Variants in UNC13A observed in about 807,000 individuals in gnomAD.
The protein encoded by UNC13A is unc-13 homolog A, also known as protein unc-13 homolog A.
A neutral mutation model predicts 219.7 loss-of-function variants in UNC13A; 61 were observed. The observed-to-expected ratio is 0.28, with a 90% CI of 0.23 to 0.34. UNC13A has a LOEUF of 0.34. UNC13A is among the 10% of genes least tolerant of loss of function. The pLI, the probability that UNC13A is intolerant of heterozygous loss-of-function variation, is 1.00. For synonymous variants in UNC13A, 920 were observed against 884.6 expected (o/e 1.04, Z -0.71); for missense variants, 1,476 against 2,270.3 (o/e 0.65, Z 7.11).
chr19:17,606,132 GT>G lies in UNC13A; in HGVS notation c.5033del (p.Asp1678AlafsTer8). Reference protein sequence around the residue: ...VLRILSQRSNDEVAKEFVKLK... With the variant: ...VLRILSQRSNXEVAKEFVKLK... ...GCTTCACGAACTCCTTGGCCACCTC[GT>G]CGTTGCTGCGCTGCGAGAGGATTCG... On this transcript the variant is annotated frameshift_variant, in exon 44 of 44. Coordinates refer to ENST00000519716, the MANE Select transcript of UNC13A (RefSeq NM_001080421.3). LOFTEE classifies it high-confidence loss of function. The G allele has an allele frequency of 6.3e-7, 1 of 1,593,378 alleles. No homozygotes were observed. Among genetic ancestry groups the G allele is most frequent in the Non-Finnish European group, 8.5e-7 (1 of 1,171,766 alleles).
intron 1 of UNC13A, among the ~76,000 whole-genome samples, chr19:17,685,117 T>C (rs73924314): frequency 0.076 from 11,603 of 152,218 alleles, 570 homozygotes; most frequent in African/African-American, 0.13. Context: ...TGTGCTTATA[T>C]GAATATATAT....
intron 42 of UNC13A, 137 bp from the exon 43 acceptor site, chr19:17,610,236 C>A (rs140453033): frequency 0.057 from 65,987 of 1,159,054 alleles, 2,231 homozygotes; most frequent in African/African-American, 0.07. Context: ...GAGGCCAAGG[C>A]GGGTGGATCA....
Position 17,630,305 on chromosome 19 carries a change from G to T in UNC13A, c.3526-17C>A, listed in dbSNP as rs772496846. 2 of 1,559,202 alleles carry T rather than the reference G, an allele frequency of 1.3e-6. No individual in the cohort carries two copies. Among genetic ancestry groups the T allele is most frequent in the Non-Finnish European group, 1.7e-6 (2 of 1,151,396 alleles). The stretch of plus-strand genomic sequence containing the variant: ...CTGCTGGAACTGCAGGGGGAAGGAG[G>T]CCAAGAGGAAGGAGGAGATCAGCAC... On this transcript the variant is annotated splice_polypyrimidine_tract_variant and intron_variant, in intron 29 of 43. Transcript: ENST00000519716.
chr19:17,617,674 A>G (rs762552746), intron 41 of UNC13A, 28 bp downstream of exon 41: 2 of 1,606,436 alleles, frequency 1.2e-6, no homozygotes, highest in South Asian at 2.2e-5. Context: ...CGGAGCGGGA[A>G]AGGGTGATGC....
At chr19:17,642,103 A>G (rs1177752898) in intron 20 of UNC13A, among the ~76,000 whole-genome samples, 3 of 149,644 alleles carry the variant, frequency 2.0e-5, no homozygotes, top group African/African-American at 7.4e-5. Flanking sequence ...TATCTACTCA[A>G]TCTTCCTTCT....
rs1020938197 is a variant in UNC13A, at chr19:17,605,153, T to C, written c.*901A>G. On this transcript the variant is annotated 3_prime_UTR_variant, in exon 44 of 44. Transcript: ENST00000519716. ...CCCTTGGAGGAGGCCGAGGGGGAATTAGCAGCAATAGGGAGCTGTGTCAGG... is the reference window on the plus strand; with the variant it reads ...CCCTTGGAGGAGGCCGAGGGGGAATCAGCAGCAATAGGGAGCTGTGTCAGG... 1.5e-4 allele frequency: 23 copies of C among 152,584 alleles called. No homozygotes were observed. Among genetic ancestry groups the C allele is most frequent in the Admixed American group, 1.2e-3 (18 of 15,262 alleles). The allele number at this position is 152,584 out of a possible 1,614,324, so 9.5% of individuals were successfully genotyped here. A position where few individuals can be genotyped will look rare whatever the true frequency, so the allele number is the denominator to read the frequency against.
chr19:17,673,311 C>G (rs1272893154), intron 3 of UNC13A, among the ~76,000 whole-genome samples: 2 of 130,262 alleles, frequency 1.5e-5, no homozygotes, highest in East Asian at 2.4e-4. Context: ...GAGCCGAGAT[C>G]ACGCCATTGC....
At chr19:17,646,289 T>C (rs1193216525) in intron 17 of UNC13A, among the ~76,000 whole-genome samples, 178 bp from the exon 18 acceptor site, 1 of 151,834 alleles carries the variant, frequency 6.6e-6, no homozygotes, top group Non-Finnish European at 1.5e-5. Flanking sequence ...GTTTGTTTGT[T>C]TGTTTTTGAG....
chr19:17,617,505 A>G (rs1479754730), intron 41 of UNC13A, among the ~76,000 whole-genome samples, 197 bp downstream of exon 41: 1 of 152,020 alleles, frequency 6.6e-6, no homozygotes, highest in Non-Finnish European at 1.5e-5. Context: ...GTTGACGATC[A>G]CCTCCAGGCC....
chr19:17,648,337 C>CCCCCCA, intron 16 of UNC13A, 94 bp downstream of exon 16: 1 of 1,256,964 alleles, frequency 8.0e-7, no homozygotes, highest in Non-Finnish European at 1.1e-6. Context: ...CATGGTGCCC[C>CCCCCCA]ACCCATCGCC....
At chr19:17,626,450 T>C (rs1360416122) in intron 34 of UNC13A, 183 bp downstream of exon 34, 14 of 589,482 alleles carry the variant, frequency 2.4e-5, no homozygotes, top group Admixed American at 2.1e-4. Context: ...TACTCACCAA[T>C]CCTTCCAATT....
chr19:17,609,968 C>T lies in UNC13A; in HGVS notation c.4783G>A (p.Ala1595Thr), dbSNP rs2076584484. The change falls in exon 43 of 44, where the codon GCT becomes ACT. Residue 1595 changes from alanine (A) to threonine (T), a missense_variant. This residue lies in a region of UNC13A where 187 missense variants were observed against 172.3 expected (regional missense o/e 1.09). Transcript: ENST00000519716. ...FATKSKNNSWAPKYNESFQFT... is the reference protein window; with the variant it reads ...FATKSKNNSWTPKYNESFQFT... ...TGGAAGCTCTCATTGTACTTGGGAG[C>T]CCAGCTATTGTTCTTGGATTTGGTC... 1 of 1,613,836 alleles carries T rather than the reference C, an allele frequency of 6.2e-7. No homozygotes were observed. Among genetic ancestry groups the T allele is most frequent in the Non-Finnish European group, 8.5e-7 (1 of 1,179,882 alleles).
At chr19:17,687,307 C>G (rs570758819) in intron 1 of UNC13A, among the ~76,000 whole-genome samples, 1 of 152,232 alleles carries the variant, frequency 6.6e-6, no homozygotes, top group East Asian at 1.9e-4. Context: ...TAGCTCCCCC[C>G]CCACCTCACG....
chr19:17,666,756 AG>A, intron 6 of UNC13A, 52 bp from the exon 7 acceptor site: 1 of 1,415,802 alleles, frequency 7.1e-7, no homozygotes. Context: ...GCCAAAGGCC[AG>A]GGGACCAGGA....
chr19:17,612,496 G>A (rs1431479318), intron 41 of UNC13A, among the ~76,000 whole-genome samples: 1 of 152,038 alleles, frequency 6.6e-6, no homozygotes, highest in Non-Finnish European at 1.5e-5. Context: ...CTCCTTGCTG[G>A]TCTTCCTTCC....
chr19:17,630,633 G>A, intron 29 of UNC13A, 21 bp downstream of exon 29: 1 of 1,613,438 alleles, frequency 6.2e-7, no homozygotes, highest in African/African-American at 1.3e-5. Context: ...TAGGAACTTG[G>A]TTGTGGGTGG....
rs1326771587 is a variant in UNC13A at position 17,649,498 on chromosome 19, A to G, written c.1518+11T>C. 6.2e-7 allele frequency: 1 copy of G among 1,613,796 alleles called. No homozygotes were observed. Among genetic ancestry groups the G allele is most frequent in the Non-Finnish European group, 8.5e-7 (1 of 1,179,870 alleles). On this transcript the variant is annotated intron_variant, in intron 13 of 43. Transcript: ENST00000519716. This position sits in a 1 kb window ranked among gnomAD's most constrained non-coding sequence, Gnocchi z 4.4. ...TGCTCTGCTCAGGGAGTAAAGGGCGAGGGTGCTTACCAAGTCGCTCACGAG... is the reference window on the plus strand; with the variant it reads ...TGCTCTGCTCAGGGAGTAAAGGGCGGGGGTGCTTACCAAGTCGCTCACGAG...
At chr19:17,672,531 G>A (rs2079809692) in intron 3 of UNC13A, 36 bp from the exon 4 acceptor site, 7 of 1,582,740 alleles carry the variant, frequency 4.4e-6, no homozygotes, top group Non-Finnish European at 6.1e-6. Context: ...GAGGGAGCAG[G>A]AGGGAGGAAA....
At chr19:17,611,044 AAAC>A (rs1555776086) in intron 42 of UNC13A, among the ~76,000 whole-genome samples, 14 of 152,060 alleles carry the variant, frequency 9.2e-5, no homozygotes, top group Non-Finnish European at 2.1e-4. Flanking sequence ...TAAAACAAAC[AAAC>A]AACAACAACA....
Sources: allele counts gnomAD v4.1 joint callset (sites outside exome capture counted in the v4.1 genomes callset), GRCh38; gene constraint gnomAD v4.1.1; regional missense constraint gnomAD v4.1.1; non-coding constraint Gnocchi (gnomAD v3.1); transcripts MANE v1.5; gene names NCBI Gene and HGNC (gene_info 2026-07-23, HGNC 2026-07-21).